Variants in TIMP3 observed in about 807,000 individuals in gnomAD.
The protein encoded by TIMP3 is metalloproteinase inhibitor 3.
In TIMP3, 11 loss-of-function variants were observed where a neutral mutation model predicts 30.0. The ratio of observed to expected loss-of-function variants is 0.37; its 90% confidence interval spans 0.23 to 0.61. The LOEUF is 0.61. Among genes scored for constraint, TIMP3 ranks in the 20% least tolerant of loss-of-function variants. The pLI is 0.70. For synonymous variants in TIMP3, 112 were observed against 111.3 expected (o/e 1.01, Z -0.04); for missense variants, 181 against 276.8 (o/e 0.65, Z 2.45).
chr22:32,854,604 A>G (rs1043628973), intron 2 of TIMP3, among the ~76,000 whole-genome samples: 1 of 152,018 alleles, frequency 6.6e-6, no homozygotes, highest in Non-Finnish European at 1.5e-5. Flanking sequence ...CGAAGGCCAC[A>G]CTCCATGGCA....
At chr22:32,809,582 T>G (rs1292404621) in intron 1 of TIMP3, among the ~76,000 whole-genome samples, 3 of 152,254 alleles carry the variant, frequency 2.0e-5, no homozygotes, top group Admixed American at 1.3e-4. Context: ...TTTGGAACAG[T>G]TATCCGACAC....
chr22:32,815,978 C>T (rs2047079321), intron 1 of TIMP3, among the ~76,000 whole-genome samples: 1 of 152,160 alleles, frequency 6.6e-6, no homozygotes. Flanking sequence ...CCTTACTGTG[C>T]CACTAGTAAG....
intron 1 of TIMP3, among the ~76,000 whole-genome samples, chr22:32,831,137 C>A (rs545856750): frequency 1.3e-5 from 2 of 152,150 alleles, no homozygotes; most frequent in South Asian, 4.1e-4. Flanking sequence ...AAGGTGGCAG[C>A]GTGACCCTTA....
chr22:32,836,857 G>T (rs746119186), intron 1 of TIMP3, among the ~76,000 whole-genome samples: 1 of 152,178 alleles, frequency 6.6e-6, no homozygotes, highest in Non-Finnish European at 1.5e-5. Context: ...GGTCTCCTTG[G>T]CATCTGTGCT....
chr22:32,839,899 C>T (rs533163079), intron 1 of TIMP3, among the ~76,000 whole-genome samples: 50 of 152,110 alleles, frequency 3.3e-4, no homozygotes, highest in Non-Finnish European at 5.3e-4. Flanking sequence ...CTACAACAGA[C>T]GTCAGCAGGG....
intron 1 of TIMP3, among the ~76,000 whole-genome samples, chr22:32,807,394 AATAT>A (rs367926863): frequency 1.1e-4 from 11 of 100,618 alleles, no homozygotes; most frequent in Admixed American, 2.5e-4. Flanking sequence ...TATTATATAT[AATAT>A]ATATATATTA....
chr22:32,854,775 G>C lies in TIMP3; in HGVS notation c.205-2474G>C, dbSNP rs151161846. ...TCTTCCAGCACTTGGCTGCGTTACCGTGCTCAGTTGGCAAGCCTTGGGGGA... is the reference window on the plus strand; with the variant it reads ...TCTTCCAGCACTTGGCTGCGTTACCCTGCTCAGTTGGCAAGCCTTGGGGGA... On this transcript the variant is annotated intron_variant, in intron 2 of 4. Coordinates refer to ENST00000266085, the MANE Select transcript of TIMP3 (RefSeq NM_000362.5). Among the ~76,000 whole-genome samples the C allele has an allele frequency of 1.1e-3, 164 of 152,270 alleles. 1 individual carries two copies. The highest frequency in any genetic ancestry group is 2.3e-3 in the South Asian group (11 of 4,824).
intron 2 of TIMP3, among the ~76,000 whole-genome samples, chr22:32,855,151 G>A (rs1013342958): frequency 6.6e-6 from 1 of 152,212 alleles, no homozygotes; most frequent in Non-Finnish European, 1.5e-5. Context: ...TGTGTACGCT[G>A]AGAACTGAGG....
intron 1 of TIMP3, among the ~76,000 whole-genome samples, chr22:32,825,701 GTGTGTA>G (rs2047389127): frequency 8.0e-6 from 1 of 124,280 alleles, no homozygotes; most frequent in African/African-American, 3.0e-5. Context: ...AAAAAAAGAT[GTGTGTA>G]TGTGTGTATG....
At chr22:32,850,564 C>A (rs1041176008) in intron 2 of TIMP3, among the ~76,000 whole-genome samples, 2 of 152,008 alleles carry the variant, frequency 1.3e-5, no homozygotes, top group African/African-American at 4.8e-5. Flanking sequence ...CCAGGGAGGC[C>A]GTGAGGGAGA....
At chr22:32,831,822 A>G (rs1240293779) in intron 1 of TIMP3, among the ~76,000 whole-genome samples, 1 of 152,166 alleles carries the variant, frequency 6.6e-6, no homozygotes, top group Non-Finnish European at 1.5e-5. Context: ...CTGGACTGTC[A>G]GCCTGGAAAA....
intron 1 of TIMP3, among the ~76,000 whole-genome samples, chr22:32,829,425 G>T (rs2047509602): frequency 6.6e-6 from 1 of 152,210 alleles, no homozygotes; most frequent in African/African-American, 2.4e-5. Context: ...GACAGAGGGG[G>T]TGGGGTCCCC....
Position 32,860,404 on chromosome 22 carries a change from G to A in TIMP3, c.*1027G>A, listed in dbSNP as rs2048502349. 3.9e-5 allele frequency: 6 copies of A among 152,654 alleles called. No individual in the cohort carries two copies. The allele number at this position is 152,654 out of a possible 1,614,324, so 9.5% of individuals were successfully genotyped here. A position where few individuals can be genotyped will look rare whatever the true frequency, so the allele number is the denominator to read the frequency against. The stretch of plus-strand genomic sequence containing the variant: ...ATACACATTTGCATATACCCACATG[G>A]GGACATAAGCTAATTTTTTTACAGG... On this transcript the variant is annotated 3_prime_UTR_variant, in exon 5 of 5. Coordinates refer to ENST00000266085, the MANE Select transcript of TIMP3 (RefSeq NM_000362.5).
At chr22:32,823,302 C>T (rs550369660) in intron 1 of TIMP3, among the ~76,000 whole-genome samples, 1 of 152,204 alleles carries the variant, frequency 6.6e-6, no homozygotes, top group Non-Finnish European at 1.5e-5. Flanking sequence ...TCCTCTCTCT[C>T]CAAGGTCCCT....
intron 1 of TIMP3, among the ~76,000 whole-genome samples, chr22:32,834,478 T>A (rs936283244): frequency 6.6e-6 from 1 of 152,134 alleles, no homozygotes; most frequent in Non-Finnish European, 1.5e-5. Context: ...CACCTTTTGA[T>A]AGGAGCCTCC....
intron 3 of TIMP3, 67 bp downstream of exon 3, chr22:32,857,427 A>G: frequency 8.4e-7 from 1 of 1,193,288 alleles, no homozygotes; most frequent in Non-Finnish European, 1.3e-6. Context: ...ACTTCAGAAG[A>G]ACACATACGG....
At chr22:32,848,818 C>G (rs746080863) in intron 1 of TIMP3, among the ~76,000 whole-genome samples, 1 of 152,218 alleles carries the variant, frequency 6.6e-6, no homozygotes, top group Non-Finnish European at 1.5e-5. Flanking sequence ...CTGTCTGGCT[C>G]CTGAGCCCCG....
intron 1 of TIMP3, among the ~76,000 whole-genome samples, chr22:32,847,669 G>T (rs2283883): frequency 0.19 from 28,718 of 152,100 alleles, 3,003 homozygotes; most frequent in East Asian, 0.4. Flanking sequence ...AATGAGGAAG[G>T]ATAATGGAGC....
chr22:32,836,710 C>T (rs918715780), intron 1 of TIMP3, among the ~76,000 whole-genome samples: 7 of 152,078 alleles, frequency 4.6e-5, no homozygotes, highest in East Asian at 1.9e-4. Flanking sequence ...AGGGGACACC[C>T]GCTGCAGCAG....
Sources: gnomAD v4.1 joint callset for allele counts (sites outside exome capture counted in the v4.1 genomes callset) on GRCh38, gnomAD v4.1.1 for gene constraint, MANE v1.5 for transcripts, NCBI Gene and HGNC (gene_info 2026-07-23, HGNC 2026-07-21) for gene names.